GLMN: variants seen among roughly 807,000 people sequenced by gnomAD.
GLMN encodes glomulin.
In GLMN, 75 loss-of-function variants were observed where a neutral mutation model predicts 87.8. The observed-to-expected ratio is 0.85, with a 90% confidence interval of 0.71 to 1.04. The LOEUF (loss-of-function observed/expected upper bound fraction) is 1.04. GLMN is among the 50% of genes least tolerant of loss of function. The pLI, the probability that GLMN is intolerant of heterozygous loss-of-function variation, is 0.00. For missense variants in GLMN, 588 were observed against 658.8 expected (o/e 0.89, Z 1.18); for synonymous variants, 206 against 221.6 (o/e 0.93, Z 0.63).
Position 92,263,690 on chromosome 1 carries a change from A to G in GLMN, c.1342T>C (p.Ser448Pro). 1 of 1,604,100 alleles carries G rather than the reference A, an allele frequency of 6.2e-7. No individual in the cohort carries two copies. Among genetic ancestry groups the G allele is most frequent in the African/African-American group, 1.3e-5 (1 of 74,880 alleles). ...AGAAAAAGTACCAAATCAAGAAGGG[A>G]AATCAACTGTGGTCCTGTAAACCAT... The part of the protein sequence containing the change: ...NKWFTGPQLI[S>P]LLDLVLFLPE... The change falls in exon 15 of 19, where the codon TCC becomes CCC. Residue 448 changes from serine (S) to proline (P), a missense_variant. Ser to Pro is a moderately conservative substitution (Grantham distance 74). Coordinates refer to ENST00000370360, the MANE Select transcript of GLMN (RefSeq NM_053274.3).
intron 6 of GLMN, 27 bp downstream of exon 6, chr1:92,288,887 G>C (rs979446673): frequency 9.2e-7 from 1 of 1,081,704 alleles, no homozygotes; most frequent in Non-Finnish European, 1.4e-6. Flanking sequence ...TAAGTCCACT[G>C]TGAGATGTTC....
intron 7 of GLMN, among the ~76,000 whole-genome samples, chr1:92,273,434 T>G (rs1656456302): frequency 1.3e-5 from 2 of 148,612 alleles, no homozygotes; most frequent in East Asian, 1.9e-4. Context: ...CAGAGTAAGG[T>G]AGCCCTGTTT....
intron 7 of GLMN, among the ~76,000 whole-genome samples, chr1:92,283,790 A>T (rs985794532): frequency 2.0e-5 from 3 of 152,218 alleles, no homozygotes; most frequent in African/African-American, 7.2e-5. Context: ...TACAAAATCA[A>T]TGTGCAAAAA....
chr1:92,288,865 C>T (rs753726830), intron 6 of GLMN, 49 bp downstream of exon 6: 20 of 893,926 alleles, frequency 2.2e-5, no homozygotes, highest in Middle Eastern at 2.9e-4. Flanking sequence ...AATAACTGAA[C>T]TATCAATTAC....
chr1:92,274,317 G>A (rs893571732), intron 7 of GLMN, among the ~76,000 whole-genome samples: 5 of 152,098 alleles, frequency 3.3e-5, no homozygotes, highest in African/African-American at 1.2e-4. Flanking sequence ...TATACCACAG[G>A]GCCTGGAATG....
Position 92,291,556 on chromosome 1 carries a change from A to G in GLMN, c.166-19T>C. On this transcript the variant is annotated intron_variant, in intron 3 of 18. Transcript: ENST00000370360. The stretch of plus-strand genomic sequence containing the variant: ...TGATGACCTGTAAAAACATTTTCAG[A>G]GTAAAGCAAACACTGCCATCTATAG... 2 of 1,612,986 alleles carry G rather than the reference A, an allele frequency of 1.2e-6. No individual in the cohort carries two copies. The highest frequency in any genetic ancestry group is 1.7e-6 in the Non-Finnish European group (2 of 1,179,000).
chr1:92,251,304 T>C (rs1653457699), intron 16 of GLMN, among the ~76,000 whole-genome samples: 1 of 152,110 alleles, frequency 6.6e-6, no homozygotes, highest in African/African-American at 2.4e-5. Flanking sequence ...AGTCCAAAAA[T>C]AGACCCATAC....
intron 3 of GLMN, among the ~76,000 whole-genome samples, chr1:92,296,063 G>T (rs1168120416): frequency 6.6e-6 from 1 of 151,884 alleles, no homozygotes; most frequent in Non-Finnish European, 1.5e-5. Flanking sequence ...AAATAAGAAG[G>T]GTATAAGCCA....
At chr1:92,327,582 C>G in the GLMN span, among the ~76,000 whole-genome samples, 1 of 152,114 alleles carries the variant, frequency 6.6e-6, no homozygotes, top group Non-Finnish European at 1.5e-5. Flanking sequence ...AAAGCAGATA[C>G]TTGGTTGGTG....
intron 16 of GLMN, among the ~76,000 whole-genome samples, chr1:92,251,811 A>C (rs1160227786): frequency 7.0e-6 from 1 of 142,262 alleles, no homozygotes; most frequent in Non-Finnish European, 1.5e-5. Flanking sequence ...TTTTTTTTTT[A>C]AGATGGTGTC....
intron 17 of GLMN, 33 bp downstream of exon 17, chr1:92,247,845 A>C: frequency 1.2e-6 from 1 of 816,826 alleles, no homozygotes; most frequent in Non-Finnish European, 2.2e-6. Context: ...TACTTTTTAG[A>C]CCTAATTGAA....
At chr1:92,261,241 A>G (rs1173147129) in intron 16 of GLMN, among the ~76,000 whole-genome samples, 1 of 152,184 alleles carries the variant, frequency 6.6e-6, no homozygotes, top group Non-Finnish European at 1.5e-5. Context: ...TATTTCTACC[A>G]CTTTCCAGAT....
the GLMN span, among the ~76,000 whole-genome samples, chr1:92,330,282 G>A: frequency 2.1e-3 from 322 of 152,134 alleles, 2 homozygotes; most frequent in African/African-American, 6.6e-3. Context: ...TTGTAATATC[G>A]TTATCAGGTT....
chr1:92,343,078 G>A, the GLMN span, among the ~76,000 whole-genome samples: 1 of 152,170 alleles, frequency 6.6e-6, no homozygotes, highest in Admixed American at 6.6e-5. Context: ...AAGGGAAAGA[G>A]TGTTTGTTTA....
At chr1:92,304,099 A>C in the GLMN span, 1 of 1,502,426 alleles carries the variant, frequency 6.7e-7, no homozygotes, top group Non-Finnish European at 9.2e-7. Context: ...TTTTTTTAAA[A>C]TATAGGCTTT....
At chr1:92,302,590 A>ATTTTTTTTTTTT (rs36067595), upstream of GLMN, among the ~76,000 whole-genome samples, 55 of 74,336 alleles carry the variant, frequency 7.4e-4, 6 homozygotes, top group Non-Finnish European at 9.9e-4. Context: ...TCCGCATTAA[A>ATTTTTTTTTTTT]TTTTTTTTTT....
chr1:92,275,171 A>G (rs1208295687), intron 7 of GLMN, among the ~76,000 whole-genome samples: 1 of 152,094 alleles, frequency 6.6e-6, no homozygotes, highest in African/African-American at 2.4e-5. Flanking sequence ...CTTTCCCCTC[A>G]GTATTCCAAA....
chr1:92,296,099 A>G (rs898863325), intron 3 of GLMN, among the ~76,000 whole-genome samples: 6 of 152,202 alleles, frequency 3.9e-5, no homozygotes, highest in African/African-American at 1.2e-4. Flanking sequence ...AAGAGATGTT[A>G]TAATAATATA....
At chr1:92,317,287 T>A in the GLMN span, among the ~76,000 whole-genome samples, 1 of 152,040 alleles carries the variant, frequency 6.6e-6, no homozygotes, top group Admixed American at 6.6e-5. Flanking sequence ...GGCGGGTGAA[T>A]CATGAGGTCA....
Sources: gnomAD v4.1 joint callset for allele counts (sites outside exome capture counted in the v4.1 genomes callset) on GRCh38, gnomAD v4.1.1 for gene constraint, MANE v1.5 for transcripts, NCBI Gene and HGNC (gene_info 2026-07-23, HGNC 2026-07-21) for gene names.